The following PCDHGA6 variants were observed in gnomAD, a reference collection of about 807,000 sequenced individuals.
PCDHGA6 encodes protocadherin gamma subfamily A, 6, also known as protocadherin gamma-A6.
A neutral mutation model predicts 60.6 loss-of-function variants in PCDHGA6; 41 were observed. The ratio of observed to expected loss-of-function variants is 0.68; its 90% CI spans 0.53 to 0.88. The LOEUF is 0.88. PCDHGA6 is among the 40% of genes least tolerant of loss of function. PCDHGA6 has a pLI of 0.00. For missense variants in PCDHGA6, 1,312 were observed against 1,203.0 expected (o/e 1.09, Z -1.34); for synonymous variants, 594 against 524.4 (o/e 1.13, Z -1.81).
Position 141,432,837 on chromosome 5 carries a change from T to C in PCDHGA6, c.2424+56330T>C. On this transcript the variant is annotated intron_variant, in intron 1 of 3. Transcript: ENST00000517434. This position sits in a 1 kb window ranked among gnomAD's most constrained non-coding sequence, Gnocchi z 6.0. ...GAAACCTCAGACCTCACTCTGTACC[T>C]GGTGGTAGCGGTGGCCGCGGTCTCC... The C allele has an allele frequency of 6.2e-7, 1 of 1,614,180 alleles. No individual in the cohort carries two copies. Among genetic ancestry groups the C allele is most frequent in the Non-Finnish European group, 8.5e-7 (1 of 1,180,004 alleles).
At chr5:141,414,567 T>C in intron 1 of PCDHGA6, 1 of 1,613,962 alleles carries the variant, frequency 6.2e-7, no homozygotes, top group Non-Finnish European at 8.5e-7. Context: ...ACTTTACCTA[T>C]ATCCCAGAGA....
rs201968743 is a variant in PCDHGA6, at chr5:141,490,095, A to G, written c.2425-4712A>G. On this transcript the variant is annotated intron_variant, in intron 1 of 3. Coordinates refer to ENST00000517434, the MANE Select transcript of PCDHGA6 (RefSeq NM_018919.3). The surrounding 1 kb of genome is among the most constrained non-coding windows in gnomAD (Gnocchi z 5.4). ...TAGACTATTCTTTTGGAGACCACAC[A>G]TCTGAGGCAGTGCGGAACCTCTTTG... 2.4e-4 allele frequency: 394 copies of G among 1,614,156 alleles called. No individual in the cohort carries two copies. The highest frequency in any genetic ancestry group is 3.1e-4 in the Non-Finnish European group (363 of 1,180,054).
intron 1 of PCDHGA6, chr5:141,395,075 C>A: frequency 6.2e-7 from 1 of 1,614,124 alleles, no homozygotes; most frequent in Non-Finnish European, 8.5e-7. Context: ...AGACCTATTC[C>A]CAGGAAGTCT....
intron 1 of PCDHGA6, among the ~76,000 whole-genome samples, chr5:141,425,105 G>C (rs1227234896): frequency 2.0e-5 from 3 of 152,236 alleles, no homozygotes; most frequent in African/African-American, 7.2e-5. Flanking sequence ...TCCAACAGAT[G>C]CCTACATTTT....
chr5:141,426,431 A>G (rs916399837), intron 1 of PCDHGA6: 1 of 297,328 alleles, frequency 3.4e-6, no homozygotes, highest in Non-Finnish European at 6.7e-6. Context: ...GTGGTGGGGA[A>G]CCTTGCGGAG....
At chr5:141,498,971 GGGAAGGAA>G (rs201769957) in intron 2 of PCDHGA6, among the ~76,000 whole-genome samples, 18,877 of 110,786 alleles carry the variant, frequency 0.17, 1,784 homozygotes, top group Admixed American at 0.31. Context: ...GAGGGAGGGA[GGGAAGGAA>G]GGAAGGAAGG....
rs2099710219 is a variant in PCDHGA6, at chr5:141,491,289, C to A, written c.2425-3518C>A. On this transcript the variant is annotated intron_variant, in intron 1 of 3. Transcript: ENST00000517434. The surrounding 1 kb of genome is among the most constrained non-coding windows in gnomAD (Gnocchi z 6.9). The stretch of plus-strand genomic sequence containing the variant: ...CCAAATCCAGTGACTTCCTCATACA[C>A]CCTCCTGAGCGTTCAGACCTTACCC... 1 of 1,614,112 alleles carries A rather than the reference C, an allele frequency of 6.2e-7. No homozygotes were observed. Among genetic ancestry groups the A allele is most frequent in the Non-Finnish European group, 8.5e-7 (1 of 1,179,942 alleles).
intron 1 of PCDHGA6, chr5:141,426,986 C>T (rs764345099): frequency 1.8e-5 from 8 of 456,618 alleles, no homozygotes; most frequent in South Asian, 7.7e-5. Flanking sequence ...CTGATGCCAA[C>T]GATAATGCCC....
At chr5:141,445,249 G>A (rs1337658576) in intron 1 of PCDHGA6, among the ~76,000 whole-genome samples, 2 of 152,170 alleles carry the variant, frequency 1.3e-5, no homozygotes, top group South Asian at 4.1e-4. Flanking sequence ...ACTATATTGT[G>A]TGAGAATATA....
At chr5:141,502,363 T>C (rs1216939790) in intron 2 of PCDHGA6, among the ~76,000 whole-genome samples, 2 of 152,100 alleles carry the variant, frequency 1.3e-5, no homozygotes, top group African/African-American at 4.8e-5. Context: ...ATGGATATTT[T>C]TAAAGAGTCC....
Position 141,403,985 on chromosome 5 carries a change from C to T in PCDHGA6, c.2424+27478C>T, listed in dbSNP as rs765326042. The T allele has an allele frequency of 5.7e-5, 92 of 1,613,546 alleles. No individual in the cohort carries two copies. The Admixed American group carries it at 7.2e-4, about 13-fold the overall frequency. On this transcript the variant is annotated intron_variant, in intron 1 of 3. Coordinates refer to ENST00000517434, the MANE Select transcript of PCDHGA6 (RefSeq NM_018919.3). ...GGTGGAAGATGTAAATGACAATAGA[C>T]CTGAAGTGACCATTACATCTCTGTT...
chr5:141,392,894 G>A (rs1327938971), intron 1 of PCDHGA6: 14 of 1,613,802 alleles, frequency 8.7e-6, no homozygotes, highest in Non-Finnish European at 1.2e-5. Flanking sequence ...GGGAAATCGG[G>A]AGGGGACAGA....
In PCDHGA6 at chr5:141,373,899, T is replaced by C; in HGVS notation, c.-185T>C. ...AAAATCAACGGAAACTCAAGTTACA[T>C]CCTCCAACAACAAAGCAAATTAGAC... On this transcript the variant is annotated 5_prime_UTR_variant, in exon 1 of 4. Coordinates refer to ENST00000517434, the MANE Select transcript of PCDHGA6 (RefSeq NM_018919.3). 1.8e-6 allele frequency: 1 copy of C among 545,494 alleles called. No individual in the cohort carries two copies. 33.8% of individuals were successfully genotyped at this position (545,494 alleles called of 1,614,324 possible).
chr5:141,393,121 T>A, intron 1 of PCDHGA6: 1 of 1,613,428 alleles, frequency 6.2e-7, no homozygotes, highest in African/African-American at 1.3e-5. Context: ...CCGCGGTGTC[T>A]GATAAATATT....
chr5:141,431,464 G>A lies in PCDHGA6; in HGVS notation c.2424+54957G>A. The A allele has an allele frequency of 1.9e-6, 3 of 1,613,782 alleles. No individual in the cohort carries two copies. Among genetic ancestry groups the A allele is most frequent in the Non-Finnish European group, 1.7e-6 (2 of 1,179,972 alleles). ...GCATCCGCGTGATGGTTCTGGATGC[G>A]AACGACAACGCACCAGCGTTTGCTC... On this transcript the variant is annotated intron_variant, in intron 1 of 3. Coordinates refer to ENST00000517434, the MANE Select transcript of PCDHGA6 (RefSeq NM_018919.3). This position sits in a 1 kb window ranked among gnomAD's most constrained non-coding sequence, Gnocchi z 4.8.
intron 1 of PCDHGA6, among the ~76,000 whole-genome samples, chr5:141,456,790 C>T (rs1364747385): frequency 6.6e-6 from 1 of 151,976 alleles, no homozygotes; most frequent in Admixed American, 6.6e-5. Flanking sequence ...TGGCAAAACC[C>T]CATCTCTACT....
Position 141,485,092 on chromosome 5 carries a change from G to C in PCDHGA6, c.2425-9715G>C, listed in dbSNP as rs2099606725. 3.8e-6 allele frequency: 4 copies of C among 1,065,492 alleles called. No homozygotes were observed. Among genetic ancestry groups the C allele is most frequent in the Non-Finnish European group, 5.6e-6 (4 of 708,358 alleles). The allele number at this position is 1,065,492 out of a possible 1,614,324, so 66.0% of individuals were successfully genotyped here. A position where few individuals can be genotyped will look rare whatever the true frequency, so the allele number is the denominator to read the frequency against. Reference sequence around the variant, plus strand: ...CTGGCGCGGGGAAAGGGAGATAGGTGTCTCCAGCTGCTGTGGCTGTTTGGG... The same window carrying C: ...CTGGCGCGGGGAAAGGGAGATAGGTCTCTCCAGCTGCTGTGGCTGTTTGGG... On this transcript the variant is annotated intron_variant, in intron 1 of 3. Coordinates refer to ENST00000517434, the MANE Select transcript of PCDHGA6 (RefSeq NM_018919.3). This position sits in a 1 kb window ranked among gnomAD's most constrained non-coding sequence, Gnocchi z 5.7.
intron 1 of PCDHGA6, among the ~76,000 whole-genome samples, chr5:141,463,224 G>C (rs1039535501): frequency 6.6e-6 from 1 of 151,958 alleles, no homozygotes; most frequent in Non-Finnish European, 1.5e-5. Context: ...AATATTCCTG[G>C]AGTTCTTTGT....
chr5:141,399,744 C>G (rs544697703), intron 1 of PCDHGA6: 1 of 1,613,320 alleles, frequency 6.2e-7, no homozygotes, highest in African/African-American at 1.3e-5. Context: ...CTGCGCTCAG[C>G]GCAAACGTGA....
Sources: gnomAD v4.1 joint callset for allele counts (sites outside exome capture counted in the v4.1 genomes callset) on GRCh38, gnomAD v4.1.1 for gene constraint, Gnocchi (gnomAD v3.1) non-coding constraint, MANE v1.5 for transcripts, NCBI Gene and HGNC (gene_info 2026-07-23, HGNC 2026-07-21) for gene names.